Variants in ULK2 observed in about 807,000 individuals in gnomAD.
ULK2 encodes unc-51 like autophagy activating kinase 2.
In ULK2, 76 loss-of-function variants were observed where a neutral mutation model predicts 127.5. The observed-to-expected ratio is 0.60, with a 90% CI of 0.50 to 0.72. ULK2 has a LOEUF of 0.72. Ranked by LOEUF, ULK2 falls within the 30% of genes least tolerant of loss-of-function variation. ULK2 has a pLI of 0.00. For missense variants in ULK2, 1,144 were observed against 1,295.9 expected, an observed-to-expected ratio of 0.88 and a Z score of 1.80; for synonymous variants, 452 against 461.9, an observed-to-expected ratio of 0.98 and a Z score of 0.28.
At position 19,796,137 on chromosome 17, in the gene ULK2, T is replaced by C; in HGVS notation, c.1955A>G (p.Glu652Gly). ...CAHCLLVQGS[E>G]RQRAEQQSKA... Reference sequence around the variant, plus strand: ...GCTCTGCTGCTCGGCCCGCTGCCTCTCACTTCCTTGCACTAAGAGGCAATG... The same window carrying C: ...GCTCTGCTGCTCGGCCCGCTGCCTCCCACTTCCTTGCACTAAGAGGCAATG... The change falls in exon 19 of 27, where the codon GAG becomes GGG. Residue 652 changes from glutamate to glycine, a missense_variant. Glu to Gly is a moderately conservative substitution (Grantham distance 98). Transcript: ENST00000395544. The C allele has an allele frequency of 6.2e-7, 1 of 1,614,012 alleles. No individual in the cohort carries two copies. The highest frequency in any genetic ancestry group is 2.2e-5 in the East Asian group (1 of 44,874).
chr17:19,849,837 G>T, intron 3 of ULK2, 63 bp from the exon 4 acceptor site: 1 of 1,025,564 alleles, frequency 9.8e-7, no homozygotes, highest in South Asian at 1.6e-5. Context: ...TAAAGATAAT[G>T]ATAGTTAAAA....
Position 19,826,146 on chromosome 17 carries a change from T to C in ULK2, c.828A>G (p.Val276=). 6.8e-7 allele frequency: 1 copy of C among 1,461,406 alleles called. No individual in the cohort carries two copies. Among genetic ancestry groups the C allele is most frequent in the Non-Finnish European group, 9.1e-7 (1 of 1,095,576 alleles). The allele number at this position is 1,461,406 out of a possible 1,614,324, so 90.5% of individuals were successfully genotyped here. ...FSHPFLEQGP[V]KKSCPVPVPM... Reference sequence around the variant, plus strand: ...CAAAAAATGGATACTCACATTTTTTTACTGGACCTTGCTCAAGAAAAGGAT... The same window carrying C: ...CAAAAAATGGATACTCACATTTTTTCACTGGACCTTGCTCAAGAAAAGGAT... The change falls in exon 11 of 27, where the codon GTA becomes GTG. Residue 276 remains valine, a synonymous_variant. Coordinates refer to ENST00000395544, the MANE Select transcript of ULK2 (RefSeq NM_014683.4).
At chr17:19,779,892 G>T (rs766954650) in intron 25 of ULK2, among the ~76,000 whole-genome samples, 5 of 151,964 alleles carry the variant, frequency 3.3e-5, no homozygotes, top group Non-Finnish European at 7.4e-5. Context: ...AGATTAGATC[G>T]GCTGGGCACG....
chr17:19,855,185 A>G (rs905145102), intron 3 of ULK2, among the ~76,000 whole-genome samples: 2 of 151,672 alleles, frequency 1.3e-5, no homozygotes, highest in African/African-American at 4.8e-5. Flanking sequence ...CGGGTGGATC[A>G]CAAGGTCAGG....
chr17:19,776,519 G>T, intron 26 of ULK2, 112 bp from the exon 27 acceptor site: 2 of 1,014,750 alleles, frequency 2.0e-6, no homozygotes, highest in Non-Finnish European at 2.8e-6. Context: ...TCTTCTTTCT[G>T]CTTGGTAATA....
chr17:19,807,675 A>G (rs1241259759), intron 14 of ULK2, among the ~76,000 whole-genome samples: 2 of 152,110 alleles, frequency 1.3e-5, no homozygotes, highest in Non-Finnish European at 2.9e-5. Flanking sequence ...AAGGCAGCAC[A>G]TCAAAAGAAG....
intron 3 of ULK2, among the ~76,000 whole-genome samples, chr17:19,851,260 G>C (rs2152399795): frequency 7.0e-6 from 1 of 142,040 alleles, no homozygotes; most frequent in Non-Finnish European, 1.5e-5. Flanking sequence ...CCAGGAGGCA[G>C]AAGTTGCAGT....
At chr17:19,806,192 C>A (rs1056942853) in intron 14 of ULK2, among the ~76,000 whole-genome samples, 4 of 152,152 alleles carry the variant, frequency 2.6e-5, no homozygotes, top group Non-Finnish European at 5.9e-5. Context: ...AGTTCCTTAA[C>A]AACAGAATAA....
chr17:19,859,215 T>G (rs188983670), intron 3 of ULK2, among the ~76,000 whole-genome samples: 2 of 151,836 alleles, frequency 1.3e-5, no homozygotes, highest in Non-Finnish European at 2.9e-5. Flanking sequence ...CACTACTGGT[T>G]AAAAAGAACT....
At chr17:19,795,311 G>GTAA (rs1485336259) in intron 20 of ULK2, among the ~76,000 whole-genome samples, 17 of 125,038 alleles carry the variant, frequency 1.4e-4, no homozygotes, top group African/African-American at 5.0e-4. Flanking sequence ...AGTACATGTA[G>GTAA]GTTTAGGCCA....
At chr17:19,807,757 G>A (rs1567691328) in intron 14 of ULK2, among the ~76,000 whole-genome samples, 1 of 152,156 alleles carries the variant, frequency 6.6e-6, no homozygotes, top group South Asian at 2.1e-4. Flanking sequence ...AAACAAGATT[G>A]TACAAGATTT....
At chr17:19,786,757 T>C (rs995447674) in intron 20 of ULK2, among the ~76,000 whole-genome samples, 5 of 150,978 alleles carry the variant, frequency 3.3e-5, no homozygotes, top group African/African-American at 1.2e-4. Context: ...AATAAAGACA[T>C]TCCCAAATAA....
At chr17:19,823,574 A>C (rs1232278195) in intron 12 of ULK2, among the ~76,000 whole-genome samples, 1 of 152,152 alleles carries the variant, frequency 6.6e-6, no homozygotes, top group Non-Finnish European at 1.5e-5. Flanking sequence ...TATGGTTCAT[A>C]ATAATAGCCA....
chr17:19,782,928 A>AAACT (rs1370136101), intron 22 of ULK2, among the ~76,000 whole-genome samples: 1 of 150,274 alleles, frequency 6.7e-6, no homozygotes, highest in African/African-American at 2.5e-5. Flanking sequence ...ATAAACAAAC[A>AAACT]AACAAACAAA....
At chr17:19,857,653 T>C (rs1005868605) in intron 3 of ULK2, among the ~76,000 whole-genome samples, 2 of 152,208 alleles carry the variant, frequency 1.3e-5, no homozygotes, top group Non-Finnish European at 2.9e-5. Context: ...AGTTATGTAT[T>C]CCTAAGTGAA....
At chr17:19,797,138 A>G (rs2087288345) in intron 18 of ULK2, among the ~76,000 whole-genome samples, 1 of 152,038 alleles carries the variant, frequency 6.6e-6, no homozygotes, top group African/African-American at 2.4e-5. Flanking sequence ...TACTAAAAAT[A>G]CAAAAAAAAT....
intron 20 of ULK2, 84 bp from the exon 21 acceptor site, chr17:19,786,170 T>C: frequency 2.2e-6 from 3 of 1,370,250 alleles, no homozygotes; most frequent in Non-Finnish European, 2.9e-6. Flanking sequence ...ATACTGACTT[T>C]TATATCAGGA....
At chr17:19,846,586 G>C in intron 6 of ULK2, 151 bp downstream of exon 6, 2 of 837,092 alleles carry the variant, frequency 2.4e-6, no homozygotes, top group Non-Finnish European at 3.6e-6. Flanking sequence ...GTTGCAGTGA[G>C]CCAAGATCGC....
chr17:19,777,657 A>G lies in ULK2; in HGVS notation c.2976T>C (p.Tyr992=). 1 of 1,614,164 alleles carries G rather than the reference A, an allele frequency of 6.2e-7. No homozygotes were observed. The highest frequency in any genetic ancestry group is 1.3e-5 in the African/African-American group (1 of 75,054). ...CTTCCAAAAGAAGGGCTGCCTTATG[A>G]TAGCGATAAACAATATCTTCGGTCT... ...FQQTEDIVYR[Y]HKAALLLEGL... Residue 992 remains tyrosine, a synonymous_variant, in exon 26 of 27, where the codon TAT becomes TAC. Coordinates refer to ENST00000395544, the MANE Select transcript of ULK2 (RefSeq NM_014683.4).
Sources: allele counts gnomAD v4.1 joint callset (sites outside exome capture counted in the v4.1 genomes callset), GRCh38; gene constraint gnomAD v4.1.1; transcripts MANE v1.5; gene names NCBI Gene and HGNC (gene_info 2026-07-23, HGNC 2026-07-21).